Variants in PRKCE observed in about 807,000 individuals in gnomAD.
The protein encoded by PRKCE is protein kinase C epsilon.
PRKCE carries 16 observed loss-of-function variants against 85.4 expected under a neutral mutation model. The observed-to-expected ratio is 0.19, with a 90% confidence interval of 0.13 to 0.28. The LOEUF (loss-of-function observed/expected upper bound fraction) is 0.28. Ranked by LOEUF, PRKCE falls within the 10% of genes least tolerant of loss-of-function variation. The pLI is 1.00. For missense variants in PRKCE, 573 were observed against 975.2 expected (o/e 0.59, Z 5.49); for synonymous variants, 388 against 371.5 (o/e 1.04, Z -0.51).
intron 2 of PRKCE, among the ~76,000 whole-genome samples, chr2:45,850,359 C>T (rs1273531592): frequency 5.9e-5 from 9 of 152,174 alleles, no homozygotes; most frequent in Non-Finnish European, 1.2e-4. Flanking sequence ...CCCACATGAC[C>T]TCTAGTTCTA....
chr2:46,137,596 CAAAAA>C (rs755179864), intron 11 of PRKCE, among the ~76,000 whole-genome samples: 1 of 77,842 alleles, frequency 1.3e-5, no homozygotes. Context: ...ACTAAAATTA[CAAAAA>C]AAAAAAAAAA....
intron 6 of PRKCE, among the ~76,000 whole-genome samples, chr2:45,994,306 A>G (rs949369438): frequency 6.6e-5 from 10 of 152,122 alleles, no homozygotes; most frequent in African/African-American, 2.4e-4. Flanking sequence ...ATCAAAGTCC[A>G]TAGTTTACAT....
chr2:45,824,858 T>C (rs981056520), intron 1 of PRKCE, among the ~76,000 whole-genome samples: 1 of 152,186 alleles, frequency 6.6e-6, no homozygotes, highest in Admixed American at 6.5e-5. Context: ...CTGTCTCTTC[T>C]TTCTCTTCTC....
At chr2:45,826,398 A>G (rs963954885) in intron 1 of PRKCE, among the ~76,000 whole-genome samples, 37 of 152,382 alleles carry the variant, frequency 2.4e-4, no homozygotes, top group African/African-American at 7.9e-4. Context: ...ATGTACAAAT[A>G]TTCACATGAA....
At chr2:45,798,272 G>C (rs1687593849) in intron 1 of PRKCE, among the ~76,000 whole-genome samples, 2 of 152,178 alleles carry the variant, frequency 1.3e-5, no homozygotes, top group African/African-American at 4.8e-5. Flanking sequence ...TATATATGTG[G>C]AGCATATAAG....
intron 10 of PRKCE, among the ~76,000 whole-genome samples, chr2:46,031,742 T>C (rs1292877331): frequency 6.6e-6 from 1 of 152,088 alleles, no homozygotes; most frequent in Non-Finnish European, 1.5e-5. Flanking sequence ...GAGTCATTTC[T>C]GGAACTAAAA....
chr2:45,761,644 CTGGG>C (rs1684511403), intron 1 of PRKCE, among the ~76,000 whole-genome samples: 1 of 152,166 alleles, frequency 6.6e-6, no homozygotes, highest in African/African-American at 2.4e-5. Context: ...AATCTCTGGC[CTGGG>C]TCTCTCCCTC....
chr2:46,135,359 G>C (rs1674863705), intron 11 of PRKCE, among the ~76,000 whole-genome samples: 1 of 152,198 alleles, frequency 6.6e-6, no homozygotes, highest in Non-Finnish European at 1.5e-5. Flanking sequence ...GTGATTCAGA[G>C]CATGGAAGTG....
chr2:45,902,761 A>T (rs1696671170), intron 2 of PRKCE, among the ~76,000 whole-genome samples: 1 of 152,214 alleles, frequency 6.6e-6, no homozygotes. Flanking sequence ...AGGGTTAGTT[A>T]TGTTTCAAAA....
rs13397580 is a variant in PRKCE at position 45,798,391 on chromosome 2, C to T, written c.349-44609C>T. Among the ~76,000 whole-genome samples the T allele has an allele frequency of 3.0e-3, 453 of 152,298 alleles. 2 individuals are homozygous for T. The highest frequency in any genetic ancestry group is 5.0e-3 in the Non-Finnish European group (338 of 68,016). On this transcript the variant is annotated intron_variant, in intron 1 of 14. Transcript: ENST00000306156. ...GAAGCCCAAGCTCTCCCCACCAAAA[C>T]ACGTTGCCTCCTCCTTTGCCTCACA...
chr2:45,993,351 C>T (rs569325156), intron 6 of PRKCE, among the ~76,000 whole-genome samples: 2 of 152,338 alleles, frequency 1.3e-5, no homozygotes, highest in East Asian at 3.9e-4. Flanking sequence ...TTTGCCCTGG[C>T]ATTTCCAGAC....
intron 2 of PRKCE, among the ~76,000 whole-genome samples, chr2:45,917,882 G>GA (rs1389496713): frequency 6.6e-6 from 1 of 151,112 alleles, no homozygotes; most frequent in African/African-American, 2.4e-5. Context: ...ACTGCTGGGG[G>GA]ACCCAGTACA....
chr2:45,983,486 T>G (rs1703059292), intron 5 of PRKCE, among the ~76,000 whole-genome samples: 1 of 152,088 alleles, frequency 6.6e-6, no homozygotes, highest in Non-Finnish European at 1.5e-5. Context: ...GGTAGCGCTG[T>G]GGAGGGGCAG....
intron 11 of PRKCE, among the ~76,000 whole-genome samples, chr2:46,113,072 G>A (rs1574501115): frequency 1.3e-5 from 2 of 152,276 alleles, no homozygotes; most frequent in East Asian, 3.9e-4. Context: ...TTGGCAGTGA[G>A]CACTAGATAT....
intron 1 of PRKCE, among the ~76,000 whole-genome samples, chr2:45,804,132 A>T (rs1365477824): frequency 6.6e-6 from 1 of 152,166 alleles, no homozygotes; most frequent in Non-Finnish European, 1.5e-5. Context: ...GCCTGCCAGG[A>T]GTGCTTAATG....
At chr2:46,031,591 CGTGTGTGTGTGTGTGTGT>C (rs58684318) in intron 10 of PRKCE, among the ~76,000 whole-genome samples, 2 of 144,028 alleles carry the variant, frequency 1.4e-5, no homozygotes, top group Non-Finnish European at 3.0e-5. Context: ...ACATTCTGCT[CGTGTGTGTGTGTGTGTGT>C]GTGTGTGTGT....
intron 10 of PRKCE, among the ~76,000 whole-genome samples, chr2:46,029,733 C>A (rs1477604213): frequency 6.6e-6 from 1 of 151,320 alleles, no homozygotes; most frequent in Non-Finnish European, 1.5e-5. Flanking sequence ...TGGCTGACTC[C>A]TGAGCCTTAA....
At chr2:45,780,284 T>C (rs1686080161) in intron 1 of PRKCE, among the ~76,000 whole-genome samples, 1 of 152,240 alleles carries the variant, frequency 6.6e-6, no homozygotes, top group Non-Finnish European at 1.5e-5. Flanking sequence ...TTCTACTCCC[T>C]CCTTTTTCTT....
chr2:45,893,357 T>TC (rs201758449), intron 2 of PRKCE, among the ~76,000 whole-genome samples: 2,519 of 62,328 alleles, frequency 0.04, 96 homozygotes, highest in African/African-American at 0.13. Context: ...TCTTTTCTTT[T>TC]TTTTTTTTTT....
Sources: allele counts gnomAD v4.1 joint callset (sites outside exome capture counted in the v4.1 genomes callset), GRCh38; gene constraint gnomAD v4.1.1; transcripts MANE v1.5; gene names NCBI Gene and HGNC (gene_info 2026-07-23, HGNC 2026-07-21).